VDAC1: variants seen among roughly 807,000 people sequenced by gnomAD.
VDAC1 encodes non-selective voltage-gated ion channel VDAC1.
VDAC1 carries 10 observed loss-of-function variants against 34.7 expected under a neutral mutation model. The ratio of observed to expected loss-of-function variants is 0.29; its 90% CI spans 0.18 to 0.49. The LOEUF (loss-of-function observed/expected upper bound fraction) is 0.49, where lower values mean the gene tolerates loss of function less well. Ranked by LOEUF, VDAC1 falls within the 20% of genes least tolerant of loss-of-function variation. The pLI is 0.99. For missense variants in VDAC1, 230 were observed against 347.9 expected, an observed-to-expected ratio of 0.66 and a Z score of 2.69; for synonymous variants, 130 against 136.0, an observed-to-expected ratio of 0.96 and a Z score of 0.30.
At chr5:134,104,512 C>G in the VDAC1 span, among the ~76,000 whole-genome samples, 2 of 152,208 alleles carry the variant, frequency 1.3e-5, no homozygotes. Flanking sequence ...AGATGCTGCC[C>G]TCTGAGCTAG....
At chr5:134,063,272 A>G in the VDAC1 span, among the ~76,000 whole-genome samples, 1 of 152,204 alleles carries the variant, frequency 6.6e-6, no homozygotes, top group Admixed American at 6.5e-5. Flanking sequence ...TTTTCCCACT[A>G]ATGTCCTTTC....
the VDAC1 span, among the ~76,000 whole-genome samples, chr5:134,101,059 T>C: frequency 6.6e-6 from 1 of 152,272 alleles, no homozygotes; most frequent in Non-Finnish European, 1.5e-5. Flanking sequence ...TGATTTCTGT[T>C]GCTTGCAAGG....
At chr5:134,033,674 G>GAAA in the VDAC1 span, among the ~76,000 whole-genome samples, 2,322 of 132,436 alleles carry the variant, frequency 0.018, 57 homozygotes, top group African/African-American at 0.061. Flanking sequence ...GCCCAAAATG[G>GAAA]AAAAAAAAAA....
chr5:133,974,198 G>A (rs922777482), intron 7 of VDAC1, among the ~76,000 whole-genome samples: 6 of 152,122 alleles, frequency 3.9e-5, no homozygotes, highest in African/African-American at 1.4e-4. Context: ...TCTAGTTTAG[G>A]AGACTTAAAA....
intron 5 of VDAC1, among the ~76,000 whole-genome samples, chr5:133,987,084 T>C (rs146259694): frequency 6.2e-4 from 94 of 151,994 alleles, no homozygotes; most frequent in African/African-American, 2.1e-3. Flanking sequence ...TGAGGCCAGG[T>C]GTGGTGGCTC....
At chr5:133,990,553 C>T (rs1037718003) in intron 5 of VDAC1, among the ~76,000 whole-genome samples, 3 of 152,212 alleles carry the variant, frequency 2.0e-5, no homozygotes, top group African/African-American at 7.2e-5. Context: ...GGGTAACAAT[C>T]ATGGCCTGGG....
At chr5:133,995,129 C>T (rs1317974056) in intron 1 of VDAC1, among the ~76,000 whole-genome samples, 2 of 152,182 alleles carry the variant, frequency 1.3e-5, no homozygotes, top group African/African-American at 2.4e-5. Context: ...CAAACATCAG[C>T]CTGAAGTACA....
the VDAC1 span, among the ~76,000 whole-genome samples, chr5:134,016,590 C>T: frequency 1.3e-5 from 2 of 152,212 alleles, no homozygotes. Context: ...GTGGCTGGGA[C>T]TTGAAGAATG....
chr5:133,979,618 T>TG (rs1376656195), intron 6 of VDAC1, among the ~76,000 whole-genome samples: 2 of 151,994 alleles, frequency 1.3e-5, no homozygotes, highest in African/African-American at 4.8e-5. Flanking sequence ...TTAGTAGAGA[T>TG]GGGGTTTCAC....
the VDAC1 span, among the ~76,000 whole-genome samples, chr5:134,095,479 T>A: frequency 8.3e-6 from 1 of 121,014 alleles, no homozygotes; most frequent in African/African-American, 3.0e-5. Flanking sequence ...TGAGACTCTG[T>A]CTCAGTAAAT....
chr5:134,080,937 C>T, the VDAC1 span, among the ~76,000 whole-genome samples: 2 of 152,010 alleles, frequency 1.3e-5, no homozygotes, highest in Admixed American at 6.6e-5. Context: ...AGGGCAATGG[C>T]GCAATCTCGG....
the VDAC1 span, among the ~76,000 whole-genome samples, chr5:134,079,115 GACAC>G: frequency 0.32 from 49,200 of 151,462 alleles, 9,509 homozygotes; most frequent in African/African-American, 0.53. Context: ...CAGGATTACA[GACAC>G]ACACATGCCA....
the VDAC1 span, among the ~76,000 whole-genome samples, chr5:134,055,480 C>T: frequency 1.3e-5 from 2 of 151,304 alleles, no homozygotes; most frequent in South Asian, 2.1e-4. Context: ...AGTGCAGTGG[C>T]GCGATCTCGG....
Position 133,972,394 on chromosome 5 carries a change from A to T in VDAC1, c.*377T>A. On this transcript the variant is annotated 3_prime_UTR_variant, in exon 9 of 9. Coordinates refer to ENST00000265333, the MANE Select transcript of VDAC1 (RefSeq NM_003374.3). ...CACACCATCAAGCAGCGAGCCTCTCATCAATTAGGGTTAGGGAACCAAGGT... is the reference window on the plus strand; with the variant it reads ...CACACCATCAAGCAGCGAGCCTCTCTTCAATTAGGGTTAGGGAACCAAGGT... The T allele has an allele frequency of 2.4e-6, 1 of 410,576 alleles. No homozygotes were observed. The allele number at this position is 410,576 out of a possible 1,614,324, so 25.4% of individuals were successfully genotyped here.
the VDAC1 span, among the ~76,000 whole-genome samples, chr5:134,067,288 T>TG: frequency 6.6e-6 from 1 of 151,870 alleles, no homozygotes; most frequent in Non-Finnish European, 1.5e-5. Context: ...TTGGTCAGGC[T>TG]GGTCTTGAAC....
At chr5:134,060,758 T>C in the VDAC1 span, among the ~76,000 whole-genome samples, 1 of 151,636 alleles carries the variant, frequency 6.6e-6, no homozygotes, top group South Asian at 2.1e-4. Context: ...ATAAATCATA[T>C]ATATGTTGCA....
chr5:134,055,592 T>TTG, the VDAC1 span, among the ~76,000 whole-genome samples: 2,256 of 35,186 alleles, frequency 0.064, 94 homozygotes, highest in East Asian at 0.14. Context: ...GCTAATGTTT[T>TTG]TTTTTTTTTT....
intron 7 of VDAC1, among the ~76,000 whole-genome samples, chr5:133,975,353 C>G (rs1214315766): frequency 1.3e-5 from 2 of 152,138 alleles, no homozygotes; most frequent in African/African-American, 2.4e-5. Flanking sequence ...AGGCTCTGCA[C>G]AGTGCCTGGT....
At chr5:134,036,056 T>C in the VDAC1 span, among the ~76,000 whole-genome samples, 2 of 151,908 alleles carry the variant, frequency 1.3e-5, no homozygotes, top group Admixed American at 1.3e-4. Flanking sequence ...ACAGGAATTG[T>C]TGCAGGCAGG....
Sources: allele counts gnomAD v4.1 joint callset (sites outside exome capture counted in the v4.1 genomes callset), GRCh38; gene constraint gnomAD v4.1.1; transcripts MANE v1.5; gene names NCBI Gene and HGNC (gene_info 2026-07-23, HGNC 2026-07-21).